The following MTHFD2L variants were observed in gnomAD, a reference collection of about 807,000 sequenced individuals.
MTHFD2L encodes methylenetetrahydrofolate dehydrogenase (NADP+ dependent) 2 like, also known as bifunctional methylenetetrahydrofolate dehydrogenase/cyclohydrolase 2, mitochondrial.
MTHFD2L carries 29 observed loss-of-function variants against 34.9 expected under a neutral mutation model. That is an observed-to-expected ratio of 0.83 (90% confidence interval 0.62 to 1.13). MTHFD2L has a LOEUF of 1.13. MTHFD2L is among the 50% of genes most tolerant of loss of function. The pLI is 0.00. For synonymous variants in MTHFD2L, 167 were observed against 155.7 expected (o/e 1.07, Z -0.54); for missense variants, 481 against 446.5 (o/e 1.08, Z -0.70).
intron 3 of MTHFD2L, among the ~76,000 whole-genome samples, chr4:74,193,013 C>A (rs1453776308): frequency 6.6e-6 from 1 of 151,746 alleles, no homozygotes; most frequent in African/African-American, 2.4e-5. Context: ...TTTAAGAAAC[C>A]TTTTCTTACA....
chr4:74,118,811 T>G (rs774907930), upstream of MTHFD2L, among the ~76,000 whole-genome samples: 20 of 152,184 alleles, frequency 1.3e-4, no homozygotes, highest in African/African-American at 4.3e-4. Flanking sequence ...TCCCCATTGC[T>G]CACATTACCT....
At chr4:74,272,766 C>G (rs1052940898) in intron 6 of MTHFD2L, among the ~76,000 whole-genome samples, 3 of 152,150 alleles carry the variant, frequency 2.0e-5, no homozygotes, top group African/African-American at 7.2e-5. Flanking sequence ...TGTTTTAACT[C>G]TTTTATTTCT....
At chr4:74,290,621 C>A (rs926531279) in intron 7 of MTHFD2L, among the ~76,000 whole-genome samples, 1 of 151,990 alleles carries the variant, frequency 6.6e-6, no homozygotes, top group African/African-American at 2.4e-5. Context: ...AATTGCCAAG[C>A]ATAATGCCTG....
At chr4:74,195,199 G>A (rs988285090) in intron 3 of MTHFD2L, 1 of 152,206 alleles carries the variant, frequency 6.6e-6, no homozygotes, top group Non-Finnish European at 1.5e-5. Context: ...CCAGTGATGG[G>A]ATTAGACACA....
chr4:74,207,766 C>CTTTTTTTTTTTTTTTTTTTTTTT (rs768932793), intron 5 of MTHFD2L, among the ~76,000 whole-genome samples: 2 of 128,474 alleles, frequency 1.6e-5, no homozygotes, highest in East Asian at 2.2e-4. Context: ...TGAAAAAGAA[C>CTTTTTTTTTTTTTTTTTTTTTTT]TTTTTTTTTT....
At chr4:74,278,958 T>C (rs1747061594) in intron 6 of MTHFD2L, among the ~76,000 whole-genome samples, 1 of 152,120 alleles carries the variant, frequency 6.6e-6, no homozygotes, top group East Asian at 1.9e-4. Flanking sequence ...TTTTCTAATA[T>C]GTTATTTAGC....
At chr4:74,144,983 C>G (rs1723502727) in intron 1 of MTHFD2L, among the ~76,000 whole-genome samples, 2 of 152,110 alleles carry the variant, frequency 1.3e-5, no homozygotes, top group Admixed American at 6.5e-5. Context: ...TCACCTCACA[C>G]TGTGCATTGG....
intron 3 of MTHFD2L, among the ~76,000 whole-genome samples, chr4:74,188,689 T>C (rs1424534052): frequency 1.3e-5 from 2 of 149,974 alleles, no homozygotes; most frequent in Non-Finnish European, 3.0e-5. Flanking sequence ...TATATATATA[T>C]ATGTGTATGC....
In MTHFD2L at chr4:74,273,613, A is replaced by G. The variant is rs144555691; in HGVS notation, c.806-7812A>G. Reference sequence around the variant, plus strand: ...AAACGCCTTGAAAATGTCTATTATAATTCTAAATTATCTTTAGTGAAACTA... The same window carrying G: ...AAACGCCTTGAAAATGTCTATTATAGTTCTAAATTATCTTTAGTGAAACTA... On this transcript the variant is annotated intron_variant, in intron 6 of 7. Transcript: ENST00000325278. Among the ~76,000 whole-genome samples, 707 of 152,290 alleles carry G rather than the reference A, an allele frequency of 4.6e-3. 1 individual carries two copies. The highest frequency in any genetic ancestry group is 0.016 in the African/African-American group (651 of 41,570).
At chr4:74,171,728 A>G (rs544951221) in intron 1 of MTHFD2L, among the ~76,000 whole-genome samples, 3 of 152,166 alleles carry the variant, frequency 2.0e-5, no homozygotes, top group Non-Finnish European at 4.4e-5. Context: ...ATTTGAACCC[A>G]GGAGGCGGAG....
intron 7 of MTHFD2L, among the ~76,000 whole-genome samples, chr4:74,286,985 G>C (rs559921740): frequency 6.6e-6 from 1 of 152,298 alleles, no homozygotes; most frequent in South Asian, 2.1e-4. Flanking sequence ...TAATGTTTAA[G>C]AGTGACTTTC....
chr4:74,134,187 C>T (rs1327494526), intron 1 of MTHFD2L, among the ~76,000 whole-genome samples: 1 of 152,140 alleles, frequency 6.6e-6, no homozygotes, highest in Non-Finnish European at 1.5e-5. Flanking sequence ...GGAGAAATGT[C>T]TGTGAAGGCT....
chr4:74,267,816 A>C, intron 6 of MTHFD2L: 1 of 985,366 alleles, frequency 1.0e-6, no homozygotes, highest in South Asian at 4.7e-5. Context: ...TCCAAGGCAG[A>C]AGGTGATGGA....
intron 1 of MTHFD2L, among the ~76,000 whole-genome samples, chr4:74,162,761 T>C (rs1725739194): frequency 6.6e-6 from 1 of 152,148 alleles, no homozygotes; most frequent in South Asian, 2.1e-4. Flanking sequence ...CTTAAAGAAA[T>C]TAAACTTGTC....
At chr4:74,160,098 G>A (rs1310528670) in intron 1 of MTHFD2L, 1 of 1,289,404 alleles carries the variant, frequency 7.8e-7, no homozygotes, top group Admixed American at 2.3e-5. Context: ...GGTTGCCACT[G>A]TCTGCCTCCC....
At chr4:74,215,004 A>T (rs1736955919) in intron 5 of MTHFD2L, among the ~76,000 whole-genome samples, 1 of 151,628 alleles carries the variant, frequency 6.6e-6, no homozygotes, top group Non-Finnish European at 1.5e-5. Flanking sequence ...GTGAGGGGAA[A>T]ACTGCCTACT....
At chr4:74,210,006 G>A (rs1212623970) in intron 5 of MTHFD2L, among the ~76,000 whole-genome samples, 3 of 152,170 alleles carry the variant, frequency 2.0e-5, no homozygotes, top group African/African-American at 7.2e-5. Flanking sequence ...TTTAAAAAGT[G>A]TCTGTTCATA....
rs931401029 is a variant in MTHFD2L at position 74,178,936 on chromosome 4, C to T, written c.451+3533C>T. On this transcript the variant is annotated intron_variant, in intron 3 of 7. Coordinates refer to ENST00000325278, the MANE Select transcript of MTHFD2L (RefSeq NM_001144978.3). ...GACTGGCCCCCATGCCAAGAATACT[C>T]TTACCGATTATGTTAGCACCCTCAC... is the stretch of plus-strand genomic sequence containing the variant. Among the ~76,000 whole-genome samples the T allele has an allele frequency of 1.9e-4, 29 of 152,032 alleles. 1 individual carries two copies. The highest frequency in any genetic ancestry group is 7.0e-4 in the African/African-American group (29 of 41,414).
intron 7 of MTHFD2L, among the ~76,000 whole-genome samples, chr4:74,298,578 T>G (rs1464150527): frequency 6.6e-6 from 1 of 152,060 alleles, no homozygotes; most frequent in African/African-American, 2.4e-5. Context: ...TACCTGAGCA[T>G]ACCAGTGGTT....
Sources: allele counts gnomAD v4.1 joint callset (sites outside exome capture counted in the v4.1 genomes callset), GRCh38; gene constraint gnomAD v4.1.1; transcripts MANE v1.5; gene names NCBI Gene and HGNC (gene_info 2026-07-23, HGNC 2026-07-21).